Variants in TRAPPC9 observed in about 807,000 individuals in gnomAD.
TRAPPC9 encodes the protein trafficking protein particle complex subunit 9.
In TRAPPC9, 83 loss-of-function variants were observed where a neutral mutation model predicts 124.0. The observed-to-expected ratio is 0.67, with a 90% CI of 0.56 to 0.80. TRAPPC9 has a LOEUF of 0.80. Among genes scored for constraint, TRAPPC9 ranks in the 30% least tolerant of loss-of-function variants. TRAPPC9 has a pLI of 0.00. For missense variants in TRAPPC9, 1,302 were observed against 1,508.3 expected, an observed-to-expected ratio of 0.86 and a Z score of 2.27; for synonymous variants, 638 against 617.5, an observed-to-expected ratio of 1.03 and a Z score of -0.49.
At chr8:139,823,613 G>A (rs1366742362) in intron 21 of TRAPPC9, among the ~76,000 whole-genome samples, 1 of 152,190 alleles carries the variant, frequency 6.6e-6, no homozygotes, top group African/African-American at 2.4e-5. Context: ...CCATGCCCAG[G>A]AAGAGGGATG....
rs375678051 is a variant in TRAPPC9, at chr8:140,341,335, C to T, written c.1495+18715G>A. 4.6e-5 allele frequency among the ~76,000 whole-genome samples: 7 copies of T among 152,244 alleles called. No homozygotes were observed. In the East Asian group the frequency reaches 1.2e-3, roughly 25 times the overall value. ...CTGTTGACTAGAGGTCACACACAGA[C>T]CTTGAGTTCCTGGAAAACCCACGTG... On this transcript the variant is annotated intron_variant, in intron 9 of 22. Coordinates refer to ENST00000438773, the MANE Select transcript of TRAPPC9 (RefSeq NM_001160372.4).
chr8:139,736,503 C>G (rs985883668), intron 21 of TRAPPC9, among the ~76,000 whole-genome samples: 20 of 152,236 alleles, frequency 1.3e-4, no homozygotes, highest in African/African-American at 4.3e-4. Context: ...TCCCCTGACG[C>G]TGACTCTTCC....
intron 3 of TRAPPC9, 142 bp from the exon 4 acceptor site, chr8:140,435,382 AT>A (rs2070779480): frequency 8.2e-7 from 1 of 1,221,406 alleles, no homozygotes; most frequent in African/African-American, 1.5e-5. Flanking sequence ...GGAAATGCCA[AT>A]TTTTCTCCCA....
At chr8:140,181,846 TG>T (rs1287460561) in intron 17 of TRAPPC9, among the ~76,000 whole-genome samples, 4 of 152,194 alleles carry the variant, frequency 2.6e-5, no homozygotes, top group Non-Finnish European at 5.9e-5. Flanking sequence ...TTACTTCTTA[TG>T]GGAAGTCCAT....
intron 15 of TRAPPC9, among the ~76,000 whole-genome samples, chr8:140,255,165 A>G (rs1346200873): frequency 1.3e-5 from 2 of 152,238 alleles, no homozygotes. Context: ...ACACAGAGAG[A>G]CAGATCCAGG....
chr8:140,363,464 T>C (rs2068014661), intron 8 of TRAPPC9, among the ~76,000 whole-genome samples: 1 of 152,180 alleles, frequency 6.6e-6, no homozygotes, highest in Admixed American at 6.5e-5. Flanking sequence ...ACAGTGGAGA[T>C]GGGGTTTAAA....
intron 21 of TRAPPC9, among the ~76,000 whole-genome samples, chr8:139,762,725 T>C (rs1376187518): frequency 6.6e-6 from 1 of 152,164 alleles, no homozygotes; most frequent in Admixed American, 6.5e-5. Context: ...CCCTAGAGTA[T>C]ACATGTGCCC....
chr8:139,850,637 A>G (rs563646198), intron 21 of TRAPPC9, among the ~76,000 whole-genome samples: 2 of 152,374 alleles, frequency 1.3e-5, no homozygotes, highest in African/African-American at 2.4e-5. Flanking sequence ...TTCTGTGTCA[A>G]TGAGTTGAAC....
chr8:140,271,002 A>G (rs549945364), intron 15 of TRAPPC9, among the ~76,000 whole-genome samples: 1 of 152,358 alleles, frequency 6.6e-6, no homozygotes, highest in Non-Finnish European at 1.5e-5. Flanking sequence ...GCACACGATT[A>G]CCACAGAGTT....
rs11783392 is a variant in TRAPPC9 at position 139,975,401 on chromosome 8, T to C, written c.2810+13325A>G. Among the ~76,000 whole-genome samples the C allele has an allele frequency of 5.2e-3, 791 of 152,282 alleles. 2 individuals carry two copies. Among genetic ancestry groups the C allele is most frequent in the Middle Eastern group, 0.01 (3 of 294 alleles). ...TGGCGTGGGTCTAAGAATTTGCATT[T>C]CTAGCAAGTTCCCAGGTGATGGTGC... On this transcript the variant is annotated intron_variant, in intron 19 of 22. Coordinates refer to ENST00000438773, the MANE Select transcript of TRAPPC9 (RefSeq NM_001160372.4).
intron 3 of TRAPPC9, among the ~76,000 whole-genome samples, chr8:140,437,866 A>G (rs2132620609): frequency 6.6e-6 from 1 of 152,280 alleles, no homozygotes; most frequent in African/African-American, 2.4e-5. Flanking sequence ...GGAAGACCAC[A>G]CACAGACATC....
At chr8:139,928,513 A>T (rs1442262786) in intron 19 of TRAPPC9, among the ~76,000 whole-genome samples, 2 of 151,894 alleles carry the variant, frequency 1.3e-5, no homozygotes, top group African/African-American at 4.8e-5. Flanking sequence ...GAAAATAACA[A>T]AAGAAACACC....
rs1029572942 is a variant in TRAPPC9 at position 140,104,010 on chromosome 8, T to C, written c.2557-79931A>G. On this transcript the variant is annotated intron_variant, in intron 17 of 22. Transcript: ENST00000438773. This position sits in a 1 kb window ranked among gnomAD's most constrained non-coding sequence, Gnocchi z 4.0. ...AAGATATCTGAATAATTTATTGGCA[T>C]GCATCTCTAAATCCAGACGCTGGAC... Among the ~76,000 whole-genome samples, 1 of 152,228 alleles carries C rather than the reference T, an allele frequency of 6.6e-6. No homozygotes were observed. Among genetic ancestry groups the C allele is most frequent in the Non-Finnish European group, 1.5e-5 (1 of 68,042 alleles).
chr8:140,367,731 G>C (rs1464430795), intron 8 of TRAPPC9, among the ~76,000 whole-genome samples: 2 of 152,102 alleles, frequency 1.3e-5, no homozygotes, highest in Non-Finnish European at 2.9e-5. Context: ...TACGAACTTT[G>C]GGTGATGATG....
In TRAPPC9 at chr8:139,825,318, T is replaced by C. The variant is rs1031726664; in HGVS notation, c.3055+60561A>G. Among the ~76,000 whole-genome samples, 28 of 152,094 alleles carry C rather than the reference T, an allele frequency of 1.8e-4. No individual in the cohort carries two copies. The highest frequency in any genetic ancestry group is 2.9e-4 in the Non-Finnish European group (20 of 68,006). On this transcript the variant is annotated intron_variant, in intron 21 of 22. Coordinates refer to ENST00000438773, the MANE Select transcript of TRAPPC9 (RefSeq NM_001160372.4). The surrounding 1 kb of genome is among the most constrained non-coding windows in gnomAD (Gnocchi z 4.6). ...CTGGGTCCCACTCTTTCCCGCCGAA[T>C]GGAGGAGAGGAGAAGCACAGGTCCT...
intron 19 of TRAPPC9, among the ~76,000 whole-genome samples, chr8:139,915,976 G>A (rs571353115): frequency 3.5e-4 from 54 of 152,292 alleles, no homozygotes; most frequent in South Asian, 2.1e-3. Flanking sequence ...CTAGAGATTC[G>A]CTAAAGGGAA....
At chr8:139,817,561 C>T (rs1824935065) in intron 21 of TRAPPC9, among the ~76,000 whole-genome samples, 2 of 152,270 alleles carry the variant, frequency 1.3e-5, no homozygotes, top group Non-Finnish European at 2.9e-5. Context: ...GCCCCACAGG[C>T]CTGGCTTCTC....
intron 9 of TRAPPC9, among the ~76,000 whole-genome samples, chr8:140,326,405 C>T (rs1269593134): frequency 6.6e-6 from 1 of 152,098 alleles, no homozygotes; most frequent in Non-Finnish European, 1.5e-5. Context: ...CTATGTGCCT[C>T]ATAAGTAGCA....
At chr8:140,145,209 T>C (rs1587803187) in intron 17 of TRAPPC9, among the ~76,000 whole-genome samples, 1 of 152,078 alleles carries the variant, frequency 6.6e-6, no homozygotes. Flanking sequence ...ATCCATAGAT[T>C]GTCTTGAATT....
Sources: gnomAD v4.1 joint callset for allele counts (sites outside exome capture counted in the v4.1 genomes callset) on GRCh38, gnomAD v4.1.1 for gene constraint, Gnocchi (gnomAD v3.1) non-coding constraint, MANE v1.5 for transcripts, NCBI Gene and HGNC (gene_info 2026-07-23, HGNC 2026-07-21) for gene names.